ZMYND8: variants seen among roughly 807,000 people sequenced by gnomAD.
ZMYND8 encodes the protein zinc finger MYND-type containing 8.
Under a neutral mutation model 140.8 loss-of-function variants are expected in ZMYND8, and 37 were observed. The ratio of observed to expected loss-of-function variants is 0.26; its 90% CI spans 0.20 to 0.35. The LOEUF is 0.35. ZMYND8 is among the 10% of genes least tolerant of loss of function. The pLI is 1.00. For synonymous variants in ZMYND8, 592 were observed against 597.1 expected (o/e 0.99, Z 0.12); for missense variants, 1,068 against 1,570.0 (o/e 0.68, Z 5.40).
chr20:47,331,570 G>A (rs2080945803), intron 2 of ZMYND8, among the ~76,000 whole-genome samples: 1 of 152,176 alleles, frequency 6.6e-6, no homozygotes, highest in Non-Finnish European at 1.5e-5. Flanking sequence ...ATGTGGGTAA[G>A]ATCACCCAGA....
chr20:47,282,048 C>T lies in ZMYND8; in HGVS notation c.998+54G>A, dbSNP rs1164893051. The T allele has an allele frequency of 4.2e-6, 6 of 1,422,912 alleles. No homozygotes were observed. The East Asian group carries it at 9.2e-5, about 22-fold the overall frequency. 88.1% of individuals were successfully genotyped at this position (1,422,912 alleles called of 1,614,324 possible). A position where few individuals can be genotyped will look rare whatever the true frequency, so the allele number is the denominator to read the frequency against. On this transcript the variant is annotated intron_variant, in intron 10 of 22. Transcript: ENST00000471951. ...CTCCACTTCTTTTCTTATCTCATAA[C>T]AGTATCAAAGTTCAGTGAAAGCTAC...
At chr20:47,333,724 CAAAAAAAAAAAAAA>C (rs57968979) in intron 2 of ZMYND8, among the ~76,000 whole-genome samples, 463 of 29,754 alleles carry the variant, frequency 0.016, 3 homozygotes, top group African/African-American at 0.048. Context: ...GACTCCGTCT[CAAAAAAAAAAAAAA>C]AAAAAAAAAA....
chr20:47,241,461 A>G (rs1337063590), intron 14 of ZMYND8, among the ~76,000 whole-genome samples: 1 of 152,188 alleles, frequency 6.6e-6, no homozygotes, highest in Non-Finnish European at 1.5e-5. Context: ...AATAAAGGGT[A>G]GGATTTCAAC....
chr20:47,301,529 G>A (rs950635600), intron 3 of ZMYND8, among the ~76,000 whole-genome samples: 45 of 151,910 alleles, frequency 3.0e-4, no homozygotes, highest in Non-Finnish European at 6.3e-4. Context: ...GGTTTCCAGG[G>A]AATATCACTG....
rs994414658 is a variant in ZMYND8 at position 47,341,864 on chromosome 20, G to A, written c.85+5992C>T. ...TAAAAATACAAAAAATTAGCCGGGC[G>A]TGGTGGCGGGCGCCTGTAATCCCAG... On this transcript the variant is annotated intron_variant, in intron 2 of 22. Coordinates refer to ENST00000471951, the MANE Select transcript of ZMYND8 (RefSeq NM_001281775.3). Among the ~76,000 whole-genome samples the A allele has an allele frequency of 2.0e-4, 31 of 152,074 alleles. 1 individual carries two copies. Among genetic ancestry groups the A allele is most frequent in the African/African-American group, 7.0e-4 (29 of 41,420 alleles).
intron 3 of ZMYND8, among the ~76,000 whole-genome samples, chr20:47,308,129 A>G (rs1177030305): frequency 2.7e-5 from 4 of 147,332 alleles, no homozygotes; most frequent in Admixed American, 1.4e-4. Context: ...AAAAAAAAAA[A>G]AAAATTGAAA....
intron 2 of ZMYND8, chr20:47,319,021 C>T: frequency 7.4e-7 from 1 of 1,351,194 alleles, no homozygotes; most frequent in Non-Finnish European, 9.8e-7. Flanking sequence ...GAGGCTCACC[C>T]ACAGCAGACA....
intron 11 of ZMYND8, among the ~76,000 whole-genome samples, chr20:47,268,909 G>C (rs2075738775): frequency 6.6e-6 from 1 of 152,042 alleles, no homozygotes; most frequent in Non-Finnish European, 1.5e-5. Flanking sequence ...CCAAAGAAGA[G>C]ATATGACAAG....
chr20:47,220,247 G>C lies in ZMYND8; in HGVS notation c.3484+11C>G. The C allele has an allele frequency of 3.2e-6, 5 of 1,557,412 alleles. No individual in the cohort carries two copies. The highest frequency in any genetic ancestry group is 4.3e-6 in the Non-Finnish European group (5 of 1,149,686). The stretch of plus-strand genomic sequence containing the variant: ...GTGAAAGCACCGTTCGCCCACCAGG[G>C]GGCAACATACCAGAGCCTTGGTTGG... On this transcript the variant is annotated intron_variant, in intron 21 of 22. Transcript: ENST00000471951.
rs749871413 is a variant in ZMYND8, at chr20:47,238,987, G to A, written c.2436C>T (p.Pro812=). The A allele has an allele frequency of 6.2e-6, 10 of 1,610,008 alleles. No homozygotes were observed. Among genetic ancestry groups the A allele is most frequent in the Admixed American group, 5.0e-5 (3 of 59,942 alleles). Residue 812 remains proline (P), a synonymous_variant, in exon 15 of 23, where the codon CCC becomes CCT. Transcript: ENST00000471951. ...TTTTCACTGGGCTTCCTGTGGCGGC[G>A]GGGGCCGGGGCCGTGACGGTGACCG... ...SSTVTVTAPA[P]AATGSPVKKQ... is the part of the protein sequence containing the mutation.
intron 8 of ZMYND8, 71 bp from the exon 9 acceptor site, chr20:47,283,719 G>T (rs2076749286): frequency 6.8e-7 from 1 of 1,470,632 alleles, no homozygotes; most frequent in Non-Finnish European, 9.4e-7. Flanking sequence ...ATCAATGCTT[G>T]ATGATTTTGA....
intron 3 of ZMYND8, among the ~76,000 whole-genome samples, chr20:47,308,103 G>T (rs1195656064): frequency 2.1e-5 from 3 of 141,800 alleles, no homozygotes; most frequent in African/African-American, 8.2e-5. Context: ...GGGTGACAGA[G>T]TCAGACTCTG....
In ZMYND8 at chr20:47,356,467, C is replaced by A. The variant is rs2083249713; in HGVS notation, c.14+190G>T. ...GCCCTTGCCAGTTTGCAAAATCAAG[C>A]TATGGCTAATGGCTACTGAGCCATG... is the stretch of plus-strand genomic sequence containing the variant. On this transcript the variant is annotated intron_variant, in intron 1 of 22. Coordinates refer to ENST00000471951, the MANE Select transcript of ZMYND8 (RefSeq NM_001281775.3). 2.6e-6 allele frequency: 4 copies of A among 1,565,234 alleles called. No individual in the cohort carries two copies. In the African/African-American group the frequency reaches 5.4e-5, roughly 21 times the overall value.
intron 1 of ZMYND8, chr20:47,351,841 T>TA (rs1478386546): frequency 2.0e-6 from 2 of 985,290 alleles, no homozygotes; most frequent in African/African-American, 3.5e-5. Context: ...AGCTCTTGTT[T>TA]AAGCAGCCCT....
chr20:47,253,776 G>C (rs1433007097), intron 12 of ZMYND8, among the ~76,000 whole-genome samples: 1 of 152,184 alleles, frequency 6.6e-6, no homozygotes, highest in Non-Finnish European at 1.5e-5. Flanking sequence ...GTGTCTACAC[G>C]TATGGCTACA....
At chr20:47,348,091 G>A (rs2082480106) in intron 1 of ZMYND8, 165 bp from the exon 2 acceptor site, 1 of 679,178 alleles carries the variant, frequency 1.5e-6, no homozygotes, top group Non-Finnish European at 2.6e-6. Flanking sequence ...AGTGTGAAGA[G>A]TCCTAAAGGA....
chr20:47,293,149 AGG>A (rs1278910060), intron 5 of ZMYND8, among the ~76,000 whole-genome samples: 1 of 61,654 alleles, frequency 1.6e-5, no homozygotes, highest in Non-Finnish European at 2.9e-5. Context: ...GAAGGAAGGA[AGG>A]GAGGGAGGGA....
intron 2 of ZMYND8, among the ~76,000 whole-genome samples, chr20:47,330,014 G>C (rs945971692): frequency 1.3e-5 from 2 of 152,180 alleles, no homozygotes; most frequent in Non-Finnish European, 2.9e-5. Context: ...GTACTTTGAA[G>C]AGTGATTTTT....
intron 2 of ZMYND8, chr20:47,318,502 G>A: frequency 2.8e-6 from 1 of 354,916 alleles, no homozygotes. Context: ...TCCTGGCAGA[G>A]CATAGAAGTA....
Sources: allele counts gnomAD v4.1 joint callset (sites outside exome capture counted in the v4.1 genomes callset), GRCh38; gene constraint gnomAD v4.1.1; transcripts MANE v1.5; gene names NCBI Gene and HGNC (gene_info 2026-07-23, HGNC 2026-07-21).